OTOGL: variants seen among roughly 807,000 people sequenced by gnomAD.
OTOGL encodes otogelin like.
OTOGL carries 285 observed loss-of-function variants against 318.5 expected under a neutral mutation model. The ratio of observed to expected loss-of-function variants is 0.89; its 90% CI spans 0.81 to 0.99. The LOEUF (loss-of-function observed/expected upper bound fraction) is 0.99. Ranked by LOEUF, OTOGL falls within the 50% of genes least tolerant of loss-of-function variation. The pLI, the probability that OTOGL is intolerant of heterozygous loss-of-function variation, is 0.00. For synonymous variants in OTOGL, 987 were observed against 936.5 expected, an observed-to-expected ratio of 1.05 and a Z score of -0.99; for missense variants, 2,899 against 2,845.6, an observed-to-expected ratio of 1.02 and a Z score of -0.43.
intron 11 of OTOGL, 27 bp downstream of exon 11, chr12:80,239,466 T>C (rs756688915): frequency 1.4e-6 from 2 of 1,474,690 alleles, no homozygotes; most frequent in East Asian, 2.4e-5. Flanking sequence ...GTAGTTGTAA[T>C]AAAATTTTCT....
At chr12:80,116,013 G>A (rs1350952273) in intron 1 of OTOGL, among the ~76,000 whole-genome samples, 1 of 151,068 alleles carries the variant, frequency 6.6e-6, no homozygotes, top group African/African-American at 2.4e-5. Flanking sequence ...TTGACGAGAA[G>A]ACCACTTGGT....
At chr12:80,326,834 T>G (rs1887704578) in intron 35 of OTOGL, among the ~76,000 whole-genome samples, 2 of 152,234 alleles carry the variant, frequency 1.3e-5, no homozygotes, top group African/African-American at 4.8e-5. Flanking sequence ...TAACTTTTCT[T>G]GTCTTTAAAA....
intron 1 of OTOGL, among the ~76,000 whole-genome samples, chr12:80,183,463 A>G (rs1875072206): frequency 6.6e-6 from 1 of 152,182 alleles, no homozygotes; most frequent in South Asian, 2.1e-4. Context: ...GATAATAGAG[A>G]TAGAATCAGG....
At chr12:80,158,550 A>C (rs1314920412) in intron 1 of OTOGL, among the ~76,000 whole-genome samples, 1 of 152,044 alleles carries the variant, frequency 6.6e-6, no homozygotes, top group East Asian at 1.9e-4. Flanking sequence ...ATTTATATGT[A>C]CATATTTATA....
At chr12:80,348,273 A>T (rs1055331880) in intron 44 of OTOGL, among the ~76,000 whole-genome samples, 2 of 152,084 alleles carry the variant, frequency 1.3e-5, no homozygotes, top group African/African-American at 4.8e-5. Flanking sequence ...TAAGTTCTTT[A>T]ATCTATCTTG....
At chr12:80,289,731 C>T (rs974334195) in intron 26 of OTOGL, among the ~76,000 whole-genome samples, 1 of 152,274 alleles carries the variant, frequency 6.6e-6, no homozygotes, top group Middle Eastern at 3.4e-3. Context: ...TCAGTAATGG[C>T]GGACGCCCCT....
At chr12:80,283,856 G>T (rs545491232) in intron 26 of OTOGL, among the ~76,000 whole-genome samples, 13 of 151,976 alleles carry the variant, frequency 8.6e-5, no homozygotes, top group Admixed American at 3.9e-4. Context: ...TTTGGGCTCT[G>T]CCTTTTCTTT....
At chr12:80,377,307 A>G (rs1038633907) in intron 58 of OTOGL, 105 bp downstream of exon 58, 3 of 687,712 alleles carry the variant, frequency 4.4e-6, no homozygotes, top group Non-Finnish European at 7.2e-6. Flanking sequence ...AACGCTTAAC[A>G]ATATTTAACT....
intron 1 of OTOGL, among the ~76,000 whole-genome samples, chr12:80,196,922 C>T (rs1565896128): frequency 1.3e-5 from 2 of 152,132 alleles, no homozygotes; most frequent in Non-Finnish European, 2.9e-5. Context: ...ATTATGCCCT[C>T]CTCCATTTTA....
chr12:80,124,702 C>T (rs907278036), intron 1 of OTOGL, among the ~76,000 whole-genome samples: 1 of 152,144 alleles, frequency 6.6e-6, no homozygotes, highest in African/African-American at 2.4e-5. Context: ...TTTGTATCCT[C>T]TTTTATTTCC....
chr12:80,366,508 AG>A (rs1890539446), intron 52 of OTOGL, 65 bp from the exon 53 acceptor site: 4 of 90,388 alleles, frequency 4.4e-5, no homozygotes, highest in African/African-American at 1.1e-4. Context: ...TTATATATAT[AG>A]GTTATATATA....
intron 1 of OTOGL, among the ~76,000 whole-genome samples, chr12:80,127,742 TTTA>T (rs1477544370): frequency 1.3e-5 from 2 of 152,192 alleles, no homozygotes; most frequent in African/African-American, 2.4e-5. Flanking sequence ...CTCATTTCTT[TTTA>T]TTCTTTTTTC....
At chr12:80,181,773 A>T (rs1479101015) in intron 1 of OTOGL, among the ~76,000 whole-genome samples, 2 of 152,086 alleles carry the variant, frequency 1.3e-5, no homozygotes, top group Non-Finnish European at 2.9e-5. Flanking sequence ...ACCAAATATA[A>T]ATGGTTTGTA....
intron 11 of OTOGL, among the ~76,000 whole-genome samples, chr12:80,246,279 G>C (rs1161112089): frequency 6.7e-6 from 1 of 149,002 alleles, no homozygotes; most frequent in Non-Finnish European, 1.5e-5. Flanking sequence ...TGCCCATTCA[G>C]AATGATATTG....
At chr12:80,130,431 G>A (rs189801679) in intron 1 of OTOGL, among the ~76,000 whole-genome samples, 51 of 152,352 alleles carry the variant, frequency 3.3e-4, no homozygotes, top group Non-Finnish European at 4.9e-4. Context: ...AGAGTTGGAG[G>A]TTGGAATGGA....
intron 1 of OTOGL, among the ~76,000 whole-genome samples, chr12:80,147,153 T>C (rs1016763706): frequency 5.3e-5 from 8 of 152,088 alleles, no homozygotes; most frequent in Non-Finnish European, 1.2e-4. Context: ...TGTTAGGATG[T>C]CAATTTTGGA....
At chr12:80,273,183 A>G (rs1883542231) in intron 24 of OTOGL, among the ~76,000 whole-genome samples, 1 of 152,110 alleles carries the variant, frequency 6.6e-6, no homozygotes, top group African/African-American at 2.4e-5. Context: ...ATTGAAATAA[A>G]TGTGGGTGGA....
intron 1 of OTOGL, among the ~76,000 whole-genome samples, chr12:80,108,270 A>G (rs952921015): frequency 1.3e-5 from 2 of 152,038 alleles, no homozygotes; most frequent in African/African-American, 4.8e-5. Context: ...TGTCATTTGA[A>G]TTTTGCAGTA....
intron 24 of OTOGL, among the ~76,000 whole-genome samples, chr12:80,275,089 A>G (rs1414924606): frequency 6.6e-6 from 1 of 151,992 alleles, no homozygotes; most frequent in Non-Finnish European, 1.5e-5. Context: ...TCAACTTTAA[A>G]GTCTTATTAT....
Sources: allele counts gnomAD v4.1 joint callset (sites outside exome capture counted in the v4.1 genomes callset), GRCh38; gene constraint gnomAD v4.1.1; transcripts MANE v1.5; gene names NCBI Gene and HGNC (gene_info 2026-07-23, HGNC 2026-07-21).